Variants in ASCC1 observed in about 807,000 individuals in gnomAD.
ASCC1 encodes the protein ASC-1 complex subunit P50.
In ASCC1, 35 loss-of-function variants were observed where a neutral mutation model predicts 46.6. The ratio of observed to expected loss-of-function variants is 0.75; its 90% CI spans 0.57 to 0.99. The LOEUF is 0.99. Among genes scored for constraint, ASCC1 ranks in the 50% least tolerant of loss-of-function variants. The pLI, the probability that ASCC1 is intolerant of heterozygous loss-of-function variation, is 0.00. For synonymous variants in ASCC1, 143 were observed against 146.6 expected (o/e 0.98, Z 0.18); for missense variants, 376 against 428.7 (o/e 0.88, Z 1.09).
At chr10:72,172,729 TTATA>T (rs1203655412) in intron 5 of ASCC1, among the ~76,000 whole-genome samples, 2 of 137,796 alleles carry the variant, frequency 1.5e-5, no homozygotes, top group South Asian at 2.1e-4. Context: ...TATTTTTATA[TTATA>T]TATATTACAT....
At chr10:72,213,790 A>G (rs1317857572) in intron 1 of ASCC1, among the ~76,000 whole-genome samples, 2 of 152,098 alleles carry the variant, frequency 1.3e-5, no homozygotes, top group African/African-American at 4.8e-5. Flanking sequence ...CTGTAATCCC[A>G]GCACTTTGGG....
At chr10:72,187,800 AC>A (rs1853721686) in intron 5 of ASCC1, among the ~76,000 whole-genome samples, 1 of 149,670 alleles carries the variant, frequency 6.7e-6, no homozygotes, top group African/African-American at 2.5e-5. Flanking sequence ...ATTAAAACTG[AC>A]TTTTTACAGT....
rs887892062 is a variant in ASCC1 at position 72,160,942 on chromosome 10, A to G, written c.626+596T>C. 3.5e-4 allele frequency among the ~76,000 whole-genome samples: 53 copies of G among 151,864 alleles called. 2 individuals carry two copies. The highest frequency in any genetic ancestry group is 5.9e-5 in the Non-Finnish European group (4 of 67,914). On this transcript the variant is annotated intron_variant, in intron 6 of 9. Coordinates refer to ENST00000672957, the MANE Select transcript of ASCC1 (RefSeq NM_001198800.3). Reference sequence around the variant, plus strand: ...ACTAAAAATACAAAAAATTAGCCGGACGCGGTGGCGGGCGCCTGTAGTCCC... The same window carrying G: ...ACTAAAAATACAAAAAATTAGCCGGGCGCGGTGGCGGGCGCCTGTAGTCCC...
At chr10:72,198,528 T>C in intron 4 of ASCC1, 1 of 455,264 alleles carries the variant, frequency 2.2e-6, no homozygotes, top group South Asian at 1.5e-5. Flanking sequence ...CCTAGGCAAT[T>C]TACTGAAACT....
At chr10:72,131,476 A>ACACACACACACACT (rs1455597730) in intron 8 of ASCC1, among the ~76,000 whole-genome samples, 3 of 146,068 alleles carry the variant, frequency 2.1e-5, no homozygotes, top group African/African-American at 7.4e-5. Context: ...ACACACACAC[A>ACACACACACACACT]CTCAACTGGA....
At chr10:72,168,312 G>A (rs923176395) in intron 5 of ASCC1, among the ~76,000 whole-genome samples, 11 of 152,002 alleles carry the variant, frequency 7.2e-5, no homozygotes, top group East Asian at 3.8e-4. Flanking sequence ...AAAATGACTC[G>A]AACATGTAGA....
At chr10:72,180,172 A>G (rs1852391466) in intron 5 of ASCC1, among the ~76,000 whole-genome samples, 1 of 152,094 alleles carries the variant, frequency 6.6e-6, no homozygotes, top group African/African-American at 2.4e-5. Flanking sequence ...CCAGCTAACC[A>G]GGAGGCTGAG....
intron 9 of ASCC1, among the ~76,000 whole-genome samples, chr10:72,107,961 CTGT>C (rs1157714605): frequency 6.6e-6 from 1 of 151,940 alleles, no homozygotes; most frequent in Non-Finnish European, 1.5e-5. Context: ...TCCCTTTTAA[CTGT>C]TGATCTTCAT....
intron 5 of ASCC1, among the ~76,000 whole-genome samples, chr10:72,187,719 CAAAAAAAA>C (rs761851091): frequency 1.4e-4 from 5 of 35,220 alleles, no homozygotes; most frequent in African/African-American, 2.2e-4. Context: ...GAATCCGTCT[CAAAAAAAA>C]AAAAAAAAAA....
upstream of ASCC1, chr10:72,216,869 A>G: frequency 2.2e-6 from 1 of 456,202 alleles, no homozygotes; most frequent in Non-Finnish European, 4.4e-6. Context: ...TTTGTTTGAC[A>G]AAATTTTACT....
intron 9 of ASCC1, among the ~76,000 whole-genome samples, chr10:72,124,596 C>T (rs1208787696): frequency 6.6e-6 from 1 of 152,342 alleles, no homozygotes; most frequent in South Asian, 2.1e-4. Flanking sequence ...TCCCCAGAAG[C>T]TGGCAATTAA....
intron 7 of ASCC1, among the ~76,000 whole-genome samples, chr10:72,151,332 AC>A (rs749635662): frequency 5.5e-4 from 83 of 152,134 alleles, no homozygotes; most frequent in Non-Finnish European, 1.2e-3. Context: ...TTCTGAGCAA[AC>A]TATATGCAAG....
At chr10:72,169,679 G>A (rs774682502) in intron 5 of ASCC1, among the ~76,000 whole-genome samples, 5 of 152,158 alleles carry the variant, frequency 3.3e-5, no homozygotes, top group Non-Finnish European at 7.3e-5. Context: ...TTGACTTTTG[G>A]AAGCACGTTA....
intron 9 of ASCC1, among the ~76,000 whole-genome samples, chr10:72,113,895 T>C (rs1473833459): frequency 6.6e-6 from 1 of 152,210 alleles, no homozygotes; most frequent in East Asian, 1.9e-4. Context: ...CAAAGCACCA[T>C]ATTCTAGCAG....
At chr10:72,136,912 G>A (rs1423631928) in intron 7 of ASCC1, among the ~76,000 whole-genome samples, 1 of 151,642 alleles carries the variant, frequency 6.6e-6, no homozygotes, top group Admixed American at 6.6e-5. Flanking sequence ...CCGGCAGGAA[G>A]AAACTCCGGA....
intron 6 of ASCC1, among the ~76,000 whole-genome samples, chr10:72,158,778 A>G (rs1032313469): frequency 1.3e-5 from 2 of 152,188 alleles, no homozygotes; most frequent in African/African-American, 4.8e-5. Context: ...AGGTCTGTTC[A>G]TTTTTCAGTG....
intron 9 of ASCC1, among the ~76,000 whole-genome samples, chr10:72,111,247 C>A (rs1294001957): frequency 6.6e-6 from 1 of 151,990 alleles, no homozygotes; most frequent in Non-Finnish European, 1.5e-5. Context: ...CAGCACTTTG[C>A]GGGGCCAAGG....
chr10:72,158,500 G>A (rs536069486), intron 6 of ASCC1, among the ~76,000 whole-genome samples: 4 of 152,268 alleles, frequency 2.6e-5, no homozygotes, highest in East Asian at 1.9e-4. Context: ...CGGAGCTTCC[G>A]AATTTACTAA....
At chr10:72,128,551 A>G (rs1422708072) in intron 8 of ASCC1, among the ~76,000 whole-genome samples, 1 of 152,228 alleles carries the variant, frequency 6.6e-6, no homozygotes, top group Non-Finnish European at 1.5e-5. Flanking sequence ...ATCCAAGAAA[A>G]GTGGCATATA....
Sources: gnomAD v4.1 joint callset for allele counts (sites outside exome capture counted in the v4.1 genomes callset) on GRCh38, gnomAD v4.1.1 for gene constraint, MANE v1.5 for transcripts, NCBI Gene and HGNC (gene_info 2026-07-23, HGNC 2026-07-21) for gene names.